The following LPA variants were observed in gnomAD, a reference collection of about 807,000 sequenced individuals.
LPA encodes the protein apolipoprotein(a).
In LPA, 199 loss-of-function variants were observed where a neutral mutation model predicts 197.9. The ratio of observed to expected loss-of-function variants is 1.01; its 90% CI spans 0.90 to 1.13. LPA has a LOEUF of 1.13. Among genes scored for constraint, LPA ranks in the 50% most tolerant of loss-of-function variants. The pLI is 0.00. For missense variants in LPA, 1,853 were observed against 1,785.8 expected (o/e 1.04, Z -0.68); for synonymous variants, 715 against 639.5 (o/e 1.12, Z -1.78).
intron 37 of LPA, among the ~76,000 whole-genome samples, chr6:160,532,984 A>C (rs762277628): frequency 6.6e-6 from 1 of 152,182 alleles, no homozygotes; most frequent in Non-Finnish European, 1.5e-5. Flanking sequence ...TATTCTTTTT[A>C]TATACTTTTT....
Position 160,611,613 on chromosome 6 carries a change from G to T in LPA, c.2552C>A (p.Ser851Ter). The T allele has an allele frequency of 1.2e-5, 19 of 1,599,184 alleles. No individual in the cohort carries two copies. Among genetic ancestry groups the T allele is most frequent in the Non-Finnish European group, 1.4e-5 (17 of 1,177,224 alleles). The part of the protein sequence containing the change: ...TVTGRTCQAW[S>*]SMTPHSHSRT... The stretch of plus-strand genomic sequence containing the variant: ...ACTATGCGAGTGTGGTGTCATAGAT[G>T]ACCAAGCTTGGCAGGTTCTTCCAGT... The change falls in exon 16 of 39, where the codon TCA (serine) becomes TAA (stop). Residue 851 changes from serine (S) to a stop codon, truncating the protein, a stop_gained. Transcript: ENST00000316300. LOFTEE classifies it high-confidence loss of function.
chr6:160,550,346 T>C (rs1197106030), intron 30 of LPA, among the ~76,000 whole-genome samples: 2 of 152,174 alleles, frequency 1.3e-5, no homozygotes, highest in Non-Finnish European at 2.9e-5. Flanking sequence ...TCATGACATG[T>C]GGCTGTCTGA....
chr6:160,581,564 A>T (rs942162950), intron 26 of LPA, among the ~76,000 whole-genome samples: 1 of 152,150 alleles, frequency 6.6e-6, no homozygotes, highest in African/African-American at 2.4e-5. Context: ...GGCCTCCCAA[A>T]GTGTTAGGAT....
At chr6:160,536,858 A>C (rs551148703) in intron 37 of LPA, among the ~76,000 whole-genome samples, 1 of 152,196 alleles carries the variant, frequency 6.6e-6, no homozygotes, top group Non-Finnish European at 1.5e-5. Flanking sequence ...AAATTATCTA[A>C]ACCTGTGGTT....
At chr6:160,547,231 CT>C (rs1003797879) in intron 32 of LPA, among the ~76,000 whole-genome samples, 2 of 152,142 alleles carry the variant, frequency 1.3e-5, no homozygotes, top group African/African-American at 2.4e-5. Flanking sequence ...GTGGTCCCAT[CT>C]GGGGGTGATG....
At chr6:160,576,398 A>ATACATATATATATATATATATATGTG (rs1562328015) in intron 28 of LPA, among the ~76,000 whole-genome samples, 2 of 54,992 alleles carry the variant, frequency 3.6e-5, no homozygotes, top group South Asian at 1.0e-3. Flanking sequence ...ATGTATATAT[A>ATACATATATATATATATATATATGTG]TATATATATA....
intron 1 of LPA, among the ~76,000 whole-genome samples, chr6:160,651,053 A>C (rs958743834): frequency 2.0e-5 from 3 of 152,048 alleles, no homozygotes; most frequent in Non-Finnish European, 4.4e-5. Context: ...GAGACTGGAA[A>C]TTTTCTTGTG....
intron 22 of LPA, among the ~76,000 whole-genome samples, chr6:160,593,051 G>A (rs1779060231): frequency 6.6e-6 from 1 of 152,150 alleles, no homozygotes; most frequent in Admixed American, 6.5e-5. Context: ...GAAGACTTCG[G>A]TGTGTATTCT....
chr6:160,643,083 A>AGATTGTGTGTGTGTGT (rs1554242208), intron 4 of LPA, among the ~76,000 whole-genome samples: 2 of 131,064 alleles, frequency 1.5e-5, no homozygotes, highest in Admixed American at 7.8e-5. Context: ...GTGTGTTTTC[A>AGATTGTGTGTGTGTGT]GTGTGTGTGT....
chr6:160,534,053 A>G (rs2114992345), intron 37 of LPA, among the ~76,000 whole-genome samples: 1 of 152,260 alleles, frequency 6.6e-6, no homozygotes, highest in African/African-American at 2.4e-5. Flanking sequence ...TGCTTTCCCC[A>G]AAGCCCTTGA....
At chr6:160,544,147 A>C (rs1482529523) in intron 33 of LPA, among the ~76,000 whole-genome samples, 2 of 152,158 alleles carry the variant, frequency 1.3e-5, no homozygotes, top group Non-Finnish European at 2.9e-5. Context: ...TCAAAGGTGC[A>C]TGAGTCCCAG....
rs1778789784 is a variant in LPA at position 160,581,256 on chromosome 6, G to C, written c.4290-2552C>G. Among the ~76,000 whole-genome samples the C allele has an allele frequency of 4.6e-5, 7 of 151,936 alleles. No homozygotes were observed. The South Asian group carries it at 1.2e-3, about 27-fold the overall frequency. On this transcript the variant is annotated intron_variant, in intron 26 of 38. Coordinates refer to ENST00000316300, the MANE Select transcript of LPA (RefSeq NM_005577.4). ...TGTAAATTTATGCTGACCCTTTTCT[G>C]TTTTTGTTTGCATATGTTTTGCCCA...
At chr6:160,562,638 G>A (rs1207410890) in intron 28 of LPA, among the ~76,000 whole-genome samples, 2 of 152,184 alleles carry the variant, frequency 1.3e-5, no homozygotes, top group Admixed American at 1.3e-4. Flanking sequence ...GTTTCAGAAG[G>A]AATAGTACTA....
chr6:160,577,251 C>T lies in LPA; in HGVS notation c.4516G>A (p.Asp1506Asn). 6.2e-7 allele frequency: 1 copy of T among 1,613,892 alleles called. No individual in the cohort carries two copies. Among genetic ancestry groups the T allele is most frequent in the Non-Finnish European group, 8.5e-7 (1 of 1,179,842 alleles). ...GATATGCCTCGATAACTCCGTCCAT[C>T]ACCATGGTAGCAATCCTGGACCACA... ...SPVVQDCYHG[D>N]GRSYRGISST... The change falls in exon 28 of 39, where the codon GAT becomes AAT. Residue 1506 changes from aspartate (D) to asparagine (N), a missense_variant. Physicochemically the swap from Asp to Asn is conservative, Grantham distance 23 (BLOSUM62 1). This residue lies in a region of LPA where 1,737 missense variants were observed against 1,504.4 expected (regional missense o/e 1.15). Transcript: ENST00000316300.
chr6:160,540,051 C>A lies in LPA; in HGVS notation c.5727G>T (p.Lys1909Asn), dbSNP rs1186029832. Reference protein sequence around the residue: ...EPTQADIALLKLSRPAVITDK... With the variant: ...EPTQADIALLNLSRPAVITDK... Reference sequence around the variant, plus strand: ...CACAGGTGAGCGAGTACCTGCTTAGCTTTAGCAAGGCAATATCTGCTTGTG... The same window carrying A: ...CACAGGTGAGCGAGTACCTGCTTAGATTTAGCAAGGCAATATCTGCTTGTG... The change falls in exon 36 of 39, where the codon AAG becomes AAT. Residue 1909 changes from lysine (K) to asparagine (N), a missense_variant. Around this residue, in one of 3 missense-constraint regions of LPA, gnomAD observed 1,737 missense variants for 1,504.4 expected, o/e 1.15. Transcript: ENST00000316300. 25 of 1,613,976 alleles carry A rather than the reference C, an allele frequency of 1.5e-5. No individual in the cohort carries two copies. The highest frequency in any genetic ancestry group is 2.1e-5 in the Non-Finnish European group (25 of 1,180,022).
chr6:160,580,003 C>T (rs1466102626), intron 26 of LPA, among the ~76,000 whole-genome samples: 1 of 152,142 alleles, frequency 6.6e-6, no homozygotes, highest in Non-Finnish European at 1.5e-5. Context: ...TTTCACCACC[C>T]CAGAAACTCC....
intron 38 of LPA, 39 bp downstream of exon 38, chr6:160,532,492 G>A (rs375282719): frequency 1.9e-5 from 28 of 1,470,384 alleles, no homozygotes; most frequent in East Asian, 6.8e-5. Context: ...AGACTGAGAC[G>A]GGAGAGCACA....
At chr6:160,610,263 G>C (rs993057232) in intron 16 of LPA, among the ~76,000 whole-genome samples, 1 of 152,138 alleles carries the variant, frequency 6.6e-6, no homozygotes, top group Non-Finnish European at 1.5e-5. Context: ...AGAGAGTTGA[G>C]ATTTCCTCTC....
chr6:160,592,960 C>T (rs1438022433), intron 22 of LPA, among the ~76,000 whole-genome samples: 2 of 152,150 alleles, frequency 1.3e-5, no homozygotes, highest in African/African-American at 2.4e-5. Flanking sequence ...TGTTCTTTCC[C>T]CAGTAGCTTT....
Sources: allele counts gnomAD v4.1 joint callset (sites outside exome capture counted in the v4.1 genomes callset), GRCh38; gene constraint gnomAD v4.1.1; regional missense constraint gnomAD v4.1.1; transcripts MANE v1.5; gene names NCBI Gene and HGNC (gene_info 2026-07-23, HGNC 2026-07-21).